Variants in NMNAT2 observed in about 807,000 individuals in gnomAD.
The protein encoded by NMNAT2 is nicotinamide nucleotide adenylyltransferase 2, also known as nicotinamide/nicotinic acid mononucleotide adenylyltransferase 2.
Under a neutral mutation model 41.6 loss-of-function variants are expected in NMNAT2, and 11 were observed. The observed-to-expected ratio is 0.26, with a 90% CI of 0.17 to 0.44. The LOEUF (loss-of-function observed/expected upper bound fraction) is 0.44, where lower values mean the gene tolerates loss of function less well. Ranked by LOEUF, NMNAT2 falls within the 20% of genes least tolerant of loss-of-function variation. The pLI is 1.00. For synonymous variants in NMNAT2, 148 were observed against 151.2 expected (o/e 0.98, Z 0.16); for missense variants, 288 against 407.7 (o/e 0.71, Z 2.53).
At chr1:183,388,308 C>A (rs997136621) in intron 1 of NMNAT2, among the ~76,000 whole-genome samples, 3 of 152,152 alleles carry the variant, frequency 2.0e-5, no homozygotes, top group Non-Finnish European at 4.4e-5. Flanking sequence ...AAAGGTGAAA[C>A]CTTAAGCAGG....
At chr1:183,340,410 C>T (rs1001640365) in intron 1 of NMNAT2, among the ~76,000 whole-genome samples, 14 of 151,730 alleles carry the variant, frequency 9.2e-5, no homozygotes, top group African/African-American at 2.9e-4. Flanking sequence ...GCAATCTACA[C>T]CTCCTGGGTT....
chr1:183,314,798 G>A (rs1283012011), intron 1 of NMNAT2, among the ~76,000 whole-genome samples: 1 of 152,152 alleles, frequency 6.6e-6, no homozygotes, highest in Non-Finnish European at 1.5e-5. Flanking sequence ...AGCCTTCCTT[G>A]AGCCCAGGAG....
At chr1:183,328,606 G>C (rs1395514990) in intron 1 of NMNAT2, among the ~76,000 whole-genome samples, 1 of 152,174 alleles carries the variant, frequency 6.6e-6, no homozygotes, top group Admixed American at 6.5e-5. Context: ...AATCCTCCTG[G>C]CTCTAGTTAG....
intron 1 of NMNAT2, among the ~76,000 whole-genome samples, chr1:183,331,359 A>C (rs1662580206): frequency 6.6e-6 from 1 of 152,098 alleles, no homozygotes; most frequent in South Asian, 2.1e-4. Context: ...ACGGGAGGCG[A>C]GGCGAGGCGT....
chr1:183,260,794 G>T (rs544467261), intron 10 of NMNAT2, among the ~76,000 whole-genome samples: 1 of 147,328 alleles, frequency 6.8e-6, no homozygotes, highest in Non-Finnish European at 1.5e-5. Context: ...ACTCCAGCCT[G>T]GGCAACAAGA....
intron 1 of NMNAT2, among the ~76,000 whole-genome samples, chr1:183,378,363 C>T (rs1365533567): frequency 6.6e-6 from 1 of 151,566 alleles, no homozygotes; most frequent in African/African-American, 2.4e-5. Context: ...TATTGCACTC[C>T]AGCCTGGGCA....
intron 1 of NMNAT2, among the ~76,000 whole-genome samples, chr1:183,417,336 C>G (rs1232986299): frequency 1.3e-5 from 2 of 152,162 alleles, no homozygotes; most frequent in African/African-American, 4.8e-5. Context: ...GTCCCCTCCC[C>G]CCAACACGCA....
intron 1 of NMNAT2, among the ~76,000 whole-genome samples, chr1:183,365,054 G>T (rs942482103): frequency 6.6e-6 from 1 of 152,136 alleles, no homozygotes; most frequent in African/African-American, 2.4e-5. Flanking sequence ...TTAAAAGGAA[G>T]AAATCAAACC....
intron 1 of NMNAT2, among the ~76,000 whole-genome samples, chr1:183,307,444 T>G (rs1662018690): frequency 1.3e-5 from 1 of 78,552 alleles, no homozygotes; most frequent in African/African-American, 4.1e-5. Flanking sequence ...GTAGCTGGAA[T>G]GTATATTTTT....
At chr1:183,310,650 G>T (rs1413926485) in intron 1 of NMNAT2, among the ~76,000 whole-genome samples, 1 of 152,188 alleles carries the variant, frequency 6.6e-6, no homozygotes, top group African/African-American at 2.4e-5. Flanking sequence ...CTGTCATTTA[G>T]TTGGCAGAAG....
chr1:183,351,011 G>A (rs746648733), intron 1 of NMNAT2, among the ~76,000 whole-genome samples: 4 of 152,152 alleles, frequency 2.6e-5, no homozygotes, highest in South Asian at 2.1e-4. Flanking sequence ...TAGGGATTGC[G>A]AGGTCCCAGA....
chr1:183,283,693 T>C (rs1661325652), intron 7 of NMNAT2: 1 of 422,640 alleles, frequency 2.4e-6, no homozygotes, highest in Non-Finnish European at 4.5e-6. Flanking sequence ...AGAAGGGTCT[T>C]TCCAGCTGGT....
intron 8 of NMNAT2, among the ~76,000 whole-genome samples, chr1:183,268,589 T>G (rs1660881740): frequency 2.6e-5 from 4 of 152,336 alleles, no homozygotes; most frequent in Admixed American, 2.6e-4. Context: ...CCAACCAAGT[T>G]GTTCTCAAGC....
chr1:183,313,652 A>G (rs905989104), intron 1 of NMNAT2, among the ~76,000 whole-genome samples: 1 of 151,962 alleles, frequency 6.6e-6, no homozygotes, highest in Non-Finnish European at 1.5e-5. Context: ...TGCCTGGCTA[A>G]TTTTTGTATT....
intron 1 of NMNAT2, among the ~76,000 whole-genome samples, chr1:183,357,423 G>A (rs1345941683): frequency 6.6e-6 from 1 of 151,672 alleles, no homozygotes; most frequent in Admixed American, 6.6e-5. Context: ...TAGAGATGGG[G>A]TTTCACCGTG....
intron 10 of NMNAT2, among the ~76,000 whole-genome samples, chr1:183,254,418 TTTTG>T (rs142232887): frequency 0.13 from 20,167 of 151,812 alleles, 1,361 homozygotes; most frequent in East Asian, 0.19. Context: ...TCTTCTGGTG[TTTTG>T]TTTGTTTGTT....
At chr1:183,304,799 C>T in intron 1 of NMNAT2, 3 of 1,611,130 alleles carry the variant, frequency 1.9e-6, no homozygotes, top group Non-Finnish European at 2.5e-6. Context: ...CAGAGAGTAA[C>T]ACAAAGTGGT....
At chr1:183,320,032 G>A (rs188853695) in intron 1 of NMNAT2, among the ~76,000 whole-genome samples, 3 of 152,318 alleles carry the variant, frequency 2.0e-5, no homozygotes, top group East Asian at 1.9e-4. Context: ...GGAAAGGAGC[G>A]AACTGAGTGA....
rs539253615 is a variant in NMNAT2, at chr1:183,330,015, CG to C, written c.86-36223del. ...CAAAACCGGGAGGCTGGATATCGAA[CG>C]GGGAGACAAGGGGAGCCACCATGAG... On this transcript the variant is annotated intron_variant, in intron 1 of 10. Coordinates refer to ENST00000287713, the MANE Select transcript of NMNAT2 (RefSeq NM_015039.4). Among the ~76,000 whole-genome samples the C allele has an allele frequency of 4.2e-3, 645 of 152,242 alleles. 4 individuals carry two copies. Among genetic ancestry groups the C allele is most frequent in the Non-Finnish European group, 6.6e-3 (452 of 68,022 alleles).
Sources: gnomAD v4.1 joint callset for allele counts (sites outside exome capture counted in the v4.1 genomes callset) on GRCh38, gnomAD v4.1.1 for gene constraint, MANE v1.5 for transcripts, NCBI Gene and HGNC (gene_info 2026-07-23, HGNC 2026-07-21) for gene names.